CREBBP: variants seen among roughly 807,000 people sequenced by gnomAD.
The protein encoded by CREBBP is CREB binding lysine acetyltransferase, also known as CREB-binding protein.
In CREBBP, 19 loss-of-function variants were observed where a neutral mutation model predicts 265.0. The ratio of observed to expected loss-of-function variants is 0.07; its 90% confidence interval spans 0.05 to 0.11. The LOEUF is 0.11. CREBBP is among the 10% of genes least tolerant of loss of function. CREBBP has a pLI of 1.00. For missense variants in CREBBP, 2,525 were observed against 3,219.0 expected, an observed-to-expected ratio of 0.78 and a Z score of 5.22; for synonymous variants, 1,457 against 1,223.7, an observed-to-expected ratio of 1.19 and a Z score of -3.98.
intron 5 of CREBBP, 38 bp from the exon 6 acceptor site, chr16:3,782,964 G>T (rs1429297696): frequency 1.2e-6 from 2 of 1,613,738 alleles, no homozygotes; most frequent in African/African-American, 2.7e-5. Context: ...AAAACGAGAG[G>T]TAAGTAAAAG....
At chr16:3,769,049 C>G in intron 15 of CREBBP, 125 bp downstream of exon 15, 6 of 1,124,804 alleles carry the variant, frequency 5.3e-6, no homozygotes, top group Non-Finnish European at 7.9e-6. Flanking sequence ...AACCCCGAAC[C>G]CACATTCAAA....
chr16:3,799,178 T>C (rs1249615013), intron 3 of CREBBP, among the ~76,000 whole-genome samples: 1 of 151,982 alleles, frequency 6.6e-6, no homozygotes, highest in Non-Finnish European at 1.5e-5. Flanking sequence ...TCAGGGGAAA[T>C]GGGGAATAAC....
intron 1 of CREBBP, among the ~76,000 whole-genome samples, chr16:3,871,489 A>G (rs906471279): frequency 6.6e-6 from 1 of 152,238 alleles, no homozygotes; most frequent in African/African-American, 2.4e-5. Flanking sequence ...TAGAGTCTAT[A>G]ATTGTCTAAG....
At chr16:3,814,769 T>C (rs1171915287) in intron 2 of CREBBP, among the ~76,000 whole-genome samples, 2 of 152,200 alleles carry the variant, frequency 1.3e-5, no homozygotes, top group Admixed American at 1.3e-4. Context: ...CATAGGGATC[T>C]ACACAATTCT....
chr16:3,765,279 TG>T (rs2052824189), intron 16 of CREBBP, among the ~76,000 whole-genome samples: 1 of 151,466 alleles, frequency 6.6e-6, no homozygotes, highest in Non-Finnish European at 1.5e-5. Context: ...TCTGGCCGCC[TG>T]GTACATGTCT....
At chr16:3,809,318 C>T (rs2053891671) in intron 3 of CREBBP, among the ~76,000 whole-genome samples, 1 of 152,108 alleles carries the variant, frequency 6.6e-6, no homozygotes, top group African/African-American at 2.4e-5. Context: ...GCTGGAATTA[C>T]AGGTGCCCGC....
chr16:3,817,959 G>A (rs1244764727), intron 2 of CREBBP, among the ~76,000 whole-genome samples: 1 of 152,176 alleles, frequency 6.6e-6, no homozygotes, highest in East Asian at 1.9e-4. Flanking sequence ...TCAGGGAAGG[G>A]CAAGCTGGTT....
Position 3,757,353 on chromosome 16 carries a change from C to T in CREBBP, c.3633G>A (p.Leu1211=), listed in dbSNP as rs367923133. The change falls in exon 19 of 31, where the codon TTG becomes TTA. Residue 1211 remains leucine (L), a synonymous_variant. Transcript: ENST00000262367. The stretch of plus-strand genomic sequence containing the variant: ...TACACAGCTGCTTCCCATAGCAGCA[C>T]AAAGTCTGTGGGGAAAACTCATACT... The part of the protein sequence containing the change: ...GRKYEFSPQT[L]CCYGKQLCTI... 5.0e-6 allele frequency: 8 copies of T among 1,613,648 alleles called. No homozygotes were observed. The South Asian group carries it at 6.6e-5, about 13-fold the overall frequency.
rs1040088386 is a variant in CREBBP, at chr16:3,726,676, A to G, written c.*1042T>C. On this transcript the variant is annotated 3_prime_UTR_variant, in exon 31 of 31. Coordinates refer to ENST00000262367, the MANE Select transcript of CREBBP (RefSeq NM_004380.3). Reference sequence around the variant, plus strand: ...TTAAAAACCTCAGTAATTTATATCAATTTTAAGCGGTACTTTATATACAAT... The same window carrying G: ...TTAAAAACCTCAGTAATTTATATCAGTTTTAAGCGGTACTTTATATACAAT... 1.7e-5 allele frequency: 4 copies of G among 233,594 alleles called. No homozygotes were observed. Among genetic ancestry groups the G allele is most frequent in the Admixed American group, 5.6e-5 (1 of 17,786 alleles). The allele number at this position is 233,594 out of a possible 1,614,324, so 14.5% of individuals were successfully genotyped here. A position where few individuals can be genotyped will look rare whatever the true frequency, so the allele number is the denominator to read the frequency against.
At chr16:3,814,099 G>GT (rs2053987704) in intron 2 of CREBBP, among the ~76,000 whole-genome samples, 1 of 152,188 alleles carries the variant, frequency 6.6e-6, no homozygotes, top group Non-Finnish European at 1.5e-5. Flanking sequence ...GTGAGTATGA[G>GT]TGTGTGATCA....
intron 3 of CREBBP, among the ~76,000 whole-genome samples, chr16:3,795,435 C>T (rs1457995832): frequency 6.6e-6 from 1 of 152,026 alleles, no homozygotes; most frequent in African/African-American, 2.4e-5. Context: ...AATAGAGCCT[C>T]GTATCTCCCC....
intron 1 of CREBBP, among the ~76,000 whole-genome samples, chr16:3,863,567 A>T (rs1490051928): frequency 6.6e-6 from 1 of 152,180 alleles, no homozygotes; most frequent in African/African-American, 2.4e-5. Context: ...GCGCCACTGC[A>T]CTCCAGCCTG....
intron 11 of CREBBP, 95 bp downstream of exon 11, chr16:3,777,518 T>C (rs1302848744): frequency 1.5e-6 from 2 of 1,293,478 alleles, no homozygotes; most frequent in Non-Finnish European, 1.1e-6. Flanking sequence ...AAGAAAGGGT[T>C]AGAAAGAAAT....
In CREBBP at chr16:3,793,493, C is replaced by G. The variant is rs1179677806; in HGVS notation, c.1109G>C (p.Arg370Pro). 3 of 1,614,156 alleles carry G rather than the reference C, an allele frequency of 1.9e-6. No homozygotes were observed. The highest frequency in any genetic ancestry group is 1.3e-5 in the African/African-American group (1 of 75,046). ...LLLHAHKCQR[R>P]EQANGEVRAC... The stretch of plus-strand genomic sequence containing the variant: ...CCGAACCTCTCCGTTTGCTTGCTCT[C>G]GTCTCTGACACTTATGAGCATGAAG... The change falls in exon 4 of 31, where the codon CGA becomes CCA. Residue 370 changes from arginine (R) to proline (P), a missense_variant. Physicochemically the swap from Arg to Pro is moderately radical, Grantham distance 103. This residue lies in a region of CREBBP where 126 missense variants were observed against 171.9 expected (regional missense o/e 0.73). Coordinates refer to ENST00000262367, the MANE Select transcript of CREBBP (RefSeq NM_004380.3).
At chr16:3,848,763 A>C (rs1208941708) in intron 2 of CREBBP, among the ~76,000 whole-genome samples, 1 of 152,194 alleles carries the variant, frequency 6.6e-6, no homozygotes, top group Non-Finnish European at 1.5e-5. Context: ...AACAAGGATC[A>C]ATCTCTCCAG....
At chr16:3,761,607 A>G in intron 16 of CREBBP, 1 of 517,816 alleles carries the variant, frequency 1.9e-6, no homozygotes, top group Non-Finnish European at 3.9e-6. Context: ...CCTCCTCTCC[A>G]GGGCACGTGG....
chr16:3,874,330 T>C (rs989452908), intron 1 of CREBBP, among the ~76,000 whole-genome samples: 2 of 152,140 alleles, frequency 1.3e-5, no homozygotes, highest in Admixed American at 6.5e-5. Context: ...CTCAGAAAAC[T>C]TGCCCTGCTG....
intron 26 of CREBBP, among the ~76,000 whole-genome samples, chr16:3,738,235 G>C (rs2052118050): frequency 1.3e-5 from 2 of 151,560 alleles, no homozygotes; most frequent in Non-Finnish European, 2.9e-5. Context: ...GCACTAATGG[G>C]TAAAGTTACT....
intron 2 of CREBBP, among the ~76,000 whole-genome samples, chr16:3,811,651 C>A (rs999872143): frequency 6.6e-6 from 1 of 152,018 alleles, no homozygotes; most frequent in Non-Finnish European, 1.5e-5. Flanking sequence ...GCCACCAGGT[C>A]CGGCTAATTT....
Sources: gnomAD v4.1 joint callset for allele counts (sites outside exome capture counted in the v4.1 genomes callset) on GRCh38, gnomAD v4.1.1 for gene constraint, gnomAD v4.1.1 regional missense constraint, MANE v1.5 for transcripts, NCBI Gene and HGNC (gene_info 2026-07-23, HGNC 2026-07-21) for gene names.